The following GRM7 variants were observed in gnomAD, a reference collection of about 807,000 sequenced individuals.
GRM7 encodes the protein metabotropic glutamate receptor 7.
In GRM7, 35 loss-of-function variants were observed where a neutral mutation model predicts 84.5. That is an observed-to-expected ratio of 0.41 (90% CI 0.32 to 0.55). The LOEUF (loss-of-function observed/expected upper bound fraction) is 0.55, where lower values mean the gene tolerates loss of function less well. GRM7 is among the 20% of genes least tolerant of loss of function. The pLI, the probability that GRM7 is intolerant of heterozygous loss-of-function variation, is 0.19. For synonymous variants in GRM7, 487 were observed against 455.1 expected, an observed-to-expected ratio of 1.07 and a Z score of -0.89; for missense variants, 1,003 against 1,194.6, an observed-to-expected ratio of 0.84 and a Z score of 2.36.
intron 2 of GRM7, among the ~76,000 whole-genome samples, chr3:7,274,737 T>A (rs1023396524): frequency 6.6e-6 from 1 of 152,090 alleles, no homozygotes; most frequent in African/African-American, 2.4e-5. Context: ...GAAAATCGTA[T>A]GTTTAGTTGT....
At chr3:6,977,529 A>G (rs902212919) in intron 1 of GRM7, among the ~76,000 whole-genome samples, 3 of 152,188 alleles carry the variant, frequency 2.0e-5, no homozygotes, top group Non-Finnish European at 4.4e-5. Flanking sequence ...ATTTAGATTC[A>G]GCAATGCCAA....
intron 3 of GRM7, among the ~76,000 whole-genome samples, chr3:7,301,135 C>T: frequency 6.7e-6 from 1 of 150,240 alleles, no homozygotes; most frequent in Non-Finnish European, 1.5e-5. Flanking sequence ...GTTCTGATTA[C>T]TTCTCCATCA....
intron 1 of GRM7, among the ~76,000 whole-genome samples, chr3:7,117,181 A>G (rs1383850189): frequency 1.3e-5 from 2 of 152,160 alleles, no homozygotes; most frequent in Non-Finnish European, 2.9e-5. Flanking sequence ...TTGTAAAGAA[A>G]AGAGCCAGGC....
chr3:7,096,617 G>A (rs149093496), intron 1 of GRM7, among the ~76,000 whole-genome samples: 23 of 152,176 alleles, frequency 1.5e-4, no homozygotes, highest in Middle Eastern at 3.4e-3. Context: ...ACATAGGCAC[G>A]ACTGGTGAAA....
intron 2 of GRM7, among the ~76,000 whole-genome samples, chr3:7,162,191 T>G (rs1280478056): frequency 6.6e-6 from 1 of 151,908 alleles, no homozygotes. Context: ...AAATCTAGAG[T>G]TAAGAGGGGA....
chr3:6,932,916 G>A (rs922839705), intron 1 of GRM7, among the ~76,000 whole-genome samples: 8 of 151,416 alleles, frequency 5.3e-5, no homozygotes, highest in African/African-American at 9.7e-5. Flanking sequence ...CACCATGCCC[G>A]GCTAATTTTT....
intron 2 of GRM7, among the ~76,000 whole-genome samples, chr3:7,207,524 G>A (rs1011259735): frequency 2.0e-5 from 3 of 152,010 alleles, no homozygotes; most frequent in South Asian, 2.1e-4. Flanking sequence ...ACAGAAACCC[G>A]AATAGCATGA....
intron 4 of GRM7, among the ~76,000 whole-genome samples, chr3:7,388,298 A>T (rs1337136222): frequency 6.6e-6 from 1 of 152,012 alleles, no homozygotes; most frequent in Non-Finnish European, 1.5e-5. Context: ...CTCTTGCCTG[A>T]TCACTCTGGC....
chr3:7,429,495 A>G (rs572690587), intron 5 of GRM7, among the ~76,000 whole-genome samples: 42 of 152,102 alleles, frequency 2.8e-4, no homozygotes, highest in Admixed American at 6.6e-5. Context: ...ATTTTTCCAT[A>G]TGTTTGGGTA....
chr3:7,519,194 C>T (rs1700500297), intron 7 of GRM7, among the ~76,000 whole-genome samples: 1 of 152,136 alleles, frequency 6.6e-6, no homozygotes, highest in Non-Finnish European at 1.5e-5. Context: ...CTTTTACTTT[C>T]ACTATAAAAC....
intron 4 of GRM7, among the ~76,000 whole-genome samples, chr3:7,338,776 A>G (rs1701523968): frequency 1.3e-5 from 2 of 152,190 alleles, no homozygotes; most frequent in Non-Finnish European, 1.5e-5. Context: ...CTCCTAAACA[A>G]GCGTATAAAT....
chr3:7,636,423 T>C (rs1698098044), intron 8 of GRM7: 1 of 392,930 alleles, frequency 2.5e-6, no homozygotes, highest in African/African-American at 2.1e-5. Flanking sequence ...TGAGTACATG[T>C]TCACTCTAAA....
chr3:7,045,151 C>T (rs979538044), intron 1 of GRM7, among the ~76,000 whole-genome samples: 2 of 152,078 alleles, frequency 1.3e-5, no homozygotes, highest in African/African-American at 2.4e-5. Flanking sequence ...CATAAGTTGA[C>T]GTGTTAGGGC....
At chr3:7,031,204 T>G (rs1352119502) in intron 1 of GRM7, among the ~76,000 whole-genome samples, 2 of 152,220 alleles carry the variant, frequency 1.3e-5, no homozygotes, top group African/African-American at 4.8e-5. Context: ...CTCCTTGTTT[T>G]ATACTCAGTA....
intron 4 of GRM7, among the ~76,000 whole-genome samples, chr3:7,377,291 CTG>C (rs1205812591): frequency 6.6e-6 from 1 of 152,156 alleles, no homozygotes; most frequent in African/African-American, 2.4e-5. Flanking sequence ...TGAGCACAGC[CTG>C]TGTGACACTT....
intron 1 of GRM7, among the ~76,000 whole-genome samples, chr3:6,941,702 A>G (rs1697899879): frequency 6.6e-6 from 1 of 152,196 alleles, no homozygotes; most frequent in Non-Finnish European, 1.5e-5. Flanking sequence ...TATTCTTTGT[A>G]TATTTCAGTC....
At chr3:7,176,229 TAAAAA>T (rs55732650) in intron 2 of GRM7, among the ~76,000 whole-genome samples, 148 of 63,136 alleles carry the variant, frequency 2.3e-3, no homozygotes, top group African/African-American at 8.9e-3. Context: ...CTATAAAAAG[TAAAAA>T]AAAAAAAAAA....
intron 4 of GRM7, among the ~76,000 whole-genome samples, chr3:7,371,164 A>G (rs1170552857): frequency 6.6e-6 from 1 of 152,164 alleles, no homozygotes; most frequent in Non-Finnish European, 1.5e-5. Flanking sequence ...GACCATTTTA[A>G]AAAAACATAG....
In GRM7 at chr3:7,313,775, G is replaced by A. The variant is rs762903629; in HGVS notation, c.1033+7123G>A. Among the ~76,000 whole-genome samples, 42 of 152,006 alleles carry A rather than the reference G, an allele frequency of 2.8e-4. 1 individual carries two copies. The highest frequency in any genetic ancestry group is 1.9e-4 in the East Asian group (1 of 5,190). Reference sequence around the variant, plus strand: ...TATAAGGTGAAGCTATTTCACATGCGTTTTTTATAGAAATTATGAACTTTG... The same window carrying A: ...TATAAGGTGAAGCTATTTCACATGCATTTTTTATAGAAATTATGAACTTTG... On this transcript the variant is annotated intron_variant, in intron 4 of 9. Transcript: ENST00000357716.
Sources: gnomAD v4.1 joint callset for allele counts (sites outside exome capture counted in the v4.1 genomes callset) on GRCh38, gnomAD v4.1.1 for gene constraint, MANE v1.5 for transcripts, NCBI Gene and HGNC (gene_info 2026-07-23, HGNC 2026-07-21) for gene names.